Variants in SRGAP1 observed in about 807,000 individuals in gnomAD.
SRGAP1 encodes the protein SLIT-ROBO Rho GTPase-activating protein 1.
Under a neutral mutation model 121.9 loss-of-function variants are expected in SRGAP1, and 43 were observed. That is an observed-to-expected ratio of 0.35 (90% CI 0.28 to 0.46). The LOEUF (loss-of-function observed/expected upper bound fraction) is 0.46. SRGAP1 is among the 20% of genes least tolerant of loss of function. The probability of loss-of-function intolerance (pLI) is 1.00; values close to 1 mark genes in which losing one functional copy is unlikely to be tolerated. For synonymous variants in SRGAP1, 447 were observed against 485.4 expected, an observed-to-expected ratio of 0.92 and a Z score of 1.04; for missense variants, 1,102 against 1,350.9, an observed-to-expected ratio of 0.82 and a Z score of 2.89.
At chr12:63,973,409 A>G (rs1007227241) in intron 1 of SRGAP1, among the ~76,000 whole-genome samples, 12 of 152,280 alleles carry the variant, frequency 7.9e-5, no homozygotes, top group African/African-American at 2.9e-4. Context: ...AAGTTCTGGT[A>G]TTTATTAATT....
At chr12:64,082,390 G>A (rs77910455) in intron 10 of SRGAP1, among the ~76,000 whole-genome samples, 1,603 of 151,560 alleles carry the variant, frequency 0.011, 25 homozygotes, top group African/African-American at 0.036. Context: ...GCCAAATTCC[G>A]TCTTTAGCTG....
intron 1 of SRGAP1, among the ~76,000 whole-genome samples, chr12:63,947,023 T>G (rs2032072464): frequency 6.6e-6 from 1 of 152,220 alleles, no homozygotes; most frequent in African/African-American, 2.4e-5. Context: ...AATCACAGAT[T>G]GCTTTTCCAT....
chr12:64,155,742 C>G lies in SRGAP1; in HGVS notation c.*13070C>G, dbSNP rs2037159515. 6.6e-6 allele frequency: 1 copy of G among 151,950 alleles called. No individual in the cohort carries two copies. Among genetic ancestry groups the G allele is most frequent in the Admixed American group, 6.6e-5 (1 of 15,264 alleles). 9.4% of individuals were successfully genotyped at this position (151,950 alleles called of 1,614,324 possible). ...CTGCCTCCCGGTTTCAAGCGATTCT[C>G]CTGCCTCAGCCTCCAGAGCAGCTGG... On this transcript the variant is annotated 3_prime_UTR_variant, in exon 22 of 22. Transcript: ENST00000355086.
Position 64,062,914 on chromosome 12 carries a change from A to G in SRGAP1, c.802-3A>G, listed in dbSNP as rs2035475330. 6.2e-7 allele frequency: 1 copy of G among 1,600,704 alleles called. No individual in the cohort carries two copies. The highest frequency in any genetic ancestry group is 1.7e-5 in the Admixed American group (1 of 58,124). On this transcript the variant is annotated splice_region_variant and splice_polypyrimidine_tract_variant and intron_variant, in intron 6 of 21. Coordinates refer to ENST00000355086, the MANE Select transcript of SRGAP1 (RefSeq NM_020762.4). The stretch of plus-strand genomic sequence containing the variant: ...TGTATGTGGTGTTCTTTTACTTTTT[A>G]AGTGCTGTGATCTTGGCTACCATGC...
At chr12:64,086,808 T>C (rs1200096419) in intron 10 of SRGAP1, among the ~76,000 whole-genome samples, 191 bp from the exon 11 acceptor site, 1 of 151,912 alleles carries the variant, frequency 6.6e-6, no homozygotes, top group African/African-American at 2.4e-5. Flanking sequence ...ATTTTATGTA[T>C]AGATTTTATG....
intron 4 of SRGAP1, among the ~76,000 whole-genome samples, chr12:64,028,245 T>C (rs1302319593): frequency 6.6e-6 from 1 of 152,266 alleles, no homozygotes; most frequent in Non-Finnish European, 1.5e-5. Context: ...TTCAGTAGAT[T>C]AAACTTGTAT....
intron 1 of SRGAP1, among the ~76,000 whole-genome samples, chr12:63,932,417 G>T (rs1412787773): frequency 5.3e-5 from 8 of 152,058 alleles, no homozygotes; most frequent in African/African-American, 1.7e-4. Context: ...TGCAAAAAAG[G>T]CCATACAAAG....
chr12:63,931,507 C>T (rs1158015785), intron 1 of SRGAP1, among the ~76,000 whole-genome samples: 2 of 152,104 alleles, frequency 1.3e-5, no homozygotes, highest in Non-Finnish European at 2.9e-5. Context: ...ATTGAGTACA[C>T]GCTACTACAT....
intron 1 of SRGAP1, among the ~76,000 whole-genome samples, chr12:63,904,807 T>C (rs1179178966): frequency 6.6e-6 from 1 of 152,090 alleles, no homozygotes; most frequent in African/African-American, 2.4e-5. Flanking sequence ...TAATGGTACA[T>C]GCCTCTGGTC....
At chr12:63,988,725 G>A (rs1433362845) in intron 2 of SRGAP1, among the ~76,000 whole-genome samples, 1 of 152,124 alleles carries the variant, frequency 6.6e-6, no homozygotes, top group Non-Finnish European at 1.5e-5. Flanking sequence ...TGATTAAAGG[G>A]TGCTTTTGTT....
intron 6 of SRGAP1, among the ~76,000 whole-genome samples, chr12:64,044,213 C>T (rs1031749335): frequency 6.6e-6 from 1 of 152,150 alleles, no homozygotes; most frequent in Non-Finnish European, 1.5e-5. Flanking sequence ...CATTATTCCC[C>T]AACTTTAACC....
At chr12:64,142,166 G>A in intron 21 of SRGAP1, 129 bp from the exon 22 acceptor site, 5 of 899,184 alleles carry the variant, frequency 5.6e-6, no homozygotes, top group Non-Finnish European at 6.8e-6. Flanking sequence ...TACATATTCT[G>A]CAGACTATGG....
At chr12:64,053,838 A>T (rs2035286749) in intron 6 of SRGAP1, among the ~76,000 whole-genome samples, 1 of 152,240 alleles carries the variant, frequency 6.6e-6, no homozygotes, top group African/African-American at 2.4e-5. Flanking sequence ...ACAGGCAACA[A>T]ATATTTGTAA....
At chr12:64,018,233 CATGCGCCA>C (rs2034458564) in intron 4 of SRGAP1, among the ~76,000 whole-genome samples, 1 of 152,070 alleles carries the variant, frequency 6.6e-6, no homozygotes, top group Non-Finnish European at 1.5e-5. Flanking sequence ...GGATTACAGG[CATGCGCCA>C]GCATGCCTGG....
intron 3 of SRGAP1, among the ~76,000 whole-genome samples, chr12:63,997,070 C>A (rs1266463179): frequency 1.3e-5 from 2 of 151,980 alleles, no homozygotes; most frequent in Admixed American, 6.6e-5. Context: ...ATTGGCCTGG[C>A]TTTAACTTTA....
chr12:64,039,628 C>CGTGTGTGTGTGTGTGT (rs6144742), intron 4 of SRGAP1, among the ~76,000 whole-genome samples: 9,105 of 130,752 alleles, frequency 0.07, 686 homozygotes, highest in Non-Finnish European at 0.078. Context: ...AGCTGAGCAA[C>CGTGTGTGTGTGTGTGT]GTGTGTGTGT....
rs181007340 is a variant in SRGAP1, at chr12:63,955,737, G to C, written c.68-28210G>C. Among the ~76,000 whole-genome samples the C allele has an allele frequency of 4.0e-5, 6 of 151,564 alleles. No homozygotes were observed. In the East Asian group the frequency reaches 1.2e-3, roughly 29 times the overall value. On this transcript the variant is annotated intron_variant, in intron 1 of 21. Transcript: ENST00000355086. ...AAAAAAAAACAAGCTTTTGAAGAGGGGCCTTAAACTGAGTTATATTTGAAT... is the reference window on the plus strand; with the variant it reads ...AAAAAAAAACAAGCTTTTGAAGAGGCGCCTTAAACTGAGTTATATTTGAAT...
At chr12:63,865,448 G>A (rs978697227) in intron 1 of SRGAP1, among the ~76,000 whole-genome samples, 2 of 152,152 alleles carry the variant, frequency 1.3e-5, no homozygotes, top group South Asian at 2.1e-4. Context: ...CAGCCTGGGC[G>A]ATAGAGCGAG....
chr12:63,861,109 T>G (rs1174971533), intron 1 of SRGAP1, among the ~76,000 whole-genome samples: 1 of 151,316 alleles, frequency 6.6e-6, no homozygotes, highest in Middle Eastern at 3.2e-3. Flanking sequence ...GTTATTATTT[T>G]TCTTTTCTGA....
Sources: allele counts gnomAD v4.1 joint callset (sites outside exome capture counted in the v4.1 genomes callset), GRCh38; gene constraint gnomAD v4.1.1; transcripts MANE v1.5; gene names NCBI Gene and HGNC (gene_info 2026-07-23, HGNC 2026-07-21).